The following CNTNAP2 variants were observed in gnomAD, a reference collection of about 807,000 sequenced individuals.
CNTNAP2 encodes contactin associated protein 2.
CNTNAP2 carries 98 observed loss-of-function variants against 155.2 expected under a neutral mutation model. That is an observed-to-expected ratio of 0.63 (90% confidence interval 0.54 to 0.75). CNTNAP2 has a LOEUF of 0.75. CNTNAP2 is among the 30% of genes least tolerant of loss of function. The pLI, the probability that CNTNAP2 is intolerant of heterozygous loss-of-function variation, is 0.00. For missense variants in CNTNAP2, 1,727 were observed against 1,688.1 expected, an observed-to-expected ratio of 1.02 and a Z score of -0.40; for synonymous variants, 651 against 631.2, an observed-to-expected ratio of 1.03 and a Z score of -0.47.
intron 13 of CNTNAP2, among the ~76,000 whole-genome samples, chr7:147,769,397 G>A (rs796527993): frequency 7.2e-5 from 11 of 152,160 alleles, no homozygotes; most frequent in African/African-American, 2.2e-4. Context: ...ACAAGAACAC[G>A]GTGTAAATAT....
chr7:147,299,000 A>G (rs1237126004), intron 8 of CNTNAP2, among the ~76,000 whole-genome samples: 1 of 152,166 alleles, frequency 6.6e-6, no homozygotes, highest in Non-Finnish European at 1.5e-5. Context: ...ATTTGCTCTC[A>G]TTCTATTTTT....
At chr7:147,561,463 GA>G (rs879741648) in intron 11 of CNTNAP2, among the ~76,000 whole-genome samples, 2 of 151,992 alleles carry the variant, frequency 1.3e-5, no homozygotes, top group African/African-American at 2.4e-5. Flanking sequence ...GTGAGAAAAA[GA>G]AAATTTGTCA....
chr7:146,235,162 A>G (rs997080787), intron 1 of CNTNAP2, among the ~76,000 whole-genome samples: 1 of 135,032 alleles, frequency 7.4e-6, no homozygotes, highest in African/African-American at 2.7e-5. Context: ...AAAAGCTATA[A>G]AAGGGGCAGG....
chr7:147,326,947 C>T (rs189983282), intron 9 of CNTNAP2, among the ~76,000 whole-genome samples: 2 of 152,308 alleles, frequency 1.3e-5, no homozygotes, highest in African/African-American at 4.8e-5. Flanking sequence ...GTACTTAATA[C>T]ATGCTGAATG....
intron 12 of CNTNAP2, among the ~76,000 whole-genome samples, chr7:147,602,430 T>C (rs1008287853): frequency 2.0e-5 from 3 of 151,686 alleles, no homozygotes; most frequent in Non-Finnish European, 2.9e-5. Context: ...ACCACATCAA[T>C]GGGCAATTAA....
intron 8 of CNTNAP2, among the ~76,000 whole-genome samples, chr7:147,221,121 T>C (rs1803390310): frequency 1.4e-5 from 2 of 145,064 alleles, no homozygotes; most frequent in African/African-American, 5.2e-5. Flanking sequence ...TCATGGGTAG[T>C]GTGAGTAACT....
intron 13 of CNTNAP2, among the ~76,000 whole-genome samples, chr7:147,706,757 C>T (rs543697296): frequency 1.3e-5 from 2 of 152,118 alleles, no homozygotes; most frequent in East Asian, 1.9e-4. Flanking sequence ...TTCTACAGCA[C>T]CCAGAATTCA....
chr7:148,259,450 G>C (rs999559743), intron 20 of CNTNAP2, among the ~76,000 whole-genome samples: 1 of 151,582 alleles, frequency 6.6e-6, no homozygotes, highest in African/African-American at 2.4e-5. Context: ...GAAGAAAAAA[G>C]ATGATATATT....
intron 8 of CNTNAP2, among the ~76,000 whole-genome samples, chr7:147,217,956 C>T (rs1803313287): frequency 6.6e-6 from 1 of 151,898 alleles, no homozygotes. Context: ...TATTCGTTAT[C>T]TTTTAAATGT....
At chr7:146,480,738 G>C (rs1290522177) in intron 1 of CNTNAP2, among the ~76,000 whole-genome samples, 1 of 145,126 alleles carries the variant, frequency 6.9e-6, no homozygotes, top group African/African-American at 2.6e-5. Context: ...ACCCAGGCTG[G>C]AGTGCAGTGG....
At chr7:147,772,005 A>G (rs1380659321) in intron 13 of CNTNAP2, among the ~76,000 whole-genome samples, 1 of 152,110 alleles carries the variant, frequency 6.6e-6, no homozygotes, top group Admixed American at 6.6e-5. Context: ...TTTTTCATAA[A>G]GACAAAAAAA....
intron 10 of CNTNAP2, among the ~76,000 whole-genome samples, chr7:147,483,976 A>G (rs1213446354): frequency 6.7e-6 from 1 of 149,944 alleles, no homozygotes; most frequent in African/African-American, 2.5e-5. Flanking sequence ...TAAACATACA[A>G]CTCTTCTTTT....
intron 10 of CNTNAP2, among the ~76,000 whole-genome samples, chr7:147,457,646 G>A (rs1797942904): frequency 6.6e-6 from 1 of 151,624 alleles, no homozygotes; most frequent in African/African-American, 2.4e-5. Context: ...AGGCATCCAC[G>A]AGATATTGGT....
chr7:146,521,919 T>C (rs572175536), intron 1 of CNTNAP2, among the ~76,000 whole-genome samples: 1 of 152,204 alleles, frequency 6.6e-6, no homozygotes, highest in South Asian at 2.1e-4. Flanking sequence ...CAGATAATTT[T>C]GTAACAGGCA....
intron 15 of CNTNAP2, among the ~76,000 whole-genome samples, chr7:148,096,663 G>A (rs1378350035): frequency 2.6e-5 from 4 of 152,112 alleles, no homozygotes; most frequent in Admixed American, 1.3e-4. Flanking sequence ...GGAGAGCATC[G>A]AAACCAAACC....
At chr7:148,395,128 C>CG (rs139989274) in intron 22 of CNTNAP2, among the ~76,000 whole-genome samples, 2,805 of 143,136 alleles carry the variant, frequency 0.02, 46 homozygotes, top group African/African-American at 0.04. Flanking sequence ...GACCCCCCCC[C>CG]CTTATTGATT....
chr7:146,363,051 G>A (rs1313397627), intron 1 of CNTNAP2, among the ~76,000 whole-genome samples: 1 of 147,936 alleles, frequency 6.8e-6, no homozygotes. Context: ...TTACAGGTGT[G>A]AGCCACCGCG....
intron 1 of CNTNAP2, among the ~76,000 whole-genome samples, chr7:146,537,458 T>TA (rs1384656628): frequency 1.3e-5 from 2 of 151,836 alleles, no homozygotes; most frequent in Non-Finnish European, 2.9e-5. Flanking sequence ...TAAAAAAAAG[T>TA]AAAATTGTAA....
At position 146,763,226 on chromosome 7, in the gene CNTNAP2, C is replaced by T. The variant is rs75439745; in HGVS notation, c.98-11045C>T. On this transcript the variant is annotated intron_variant, in intron 1 of 23. Coordinates refer to ENST00000361727, the MANE Select transcript of CNTNAP2 (RefSeq NM_014141.6). ...GAACATACCCACCTTGTTCCTGCTC[C>T]GAGCCTTTTGACTGGGGTTTGTTGT... Among the ~76,000 whole-genome samples the T allele has an allele frequency of 8.3e-3, 1,262 of 152,216 alleles. 23 individuals carry two copies. Among genetic ancestry groups the T allele is most frequent in the African/African-American group, 0.028 (1,170 of 41,532 alleles).
Sources: gnomAD v4.1 joint callset for allele counts (sites outside exome capture counted in the v4.1 genomes callset) on GRCh38, gnomAD v4.1.1 for gene constraint, MANE v1.5 for transcripts, NCBI Gene and HGNC (gene_info 2026-07-23, HGNC 2026-07-21) for gene names.